CCDC81: variants seen among roughly 807,000 people sequenced by gnomAD.
The protein encoded by CCDC81 is coiled-coil domain containing 81.
A neutral mutation model predicts 83.7 loss-of-function variants in CCDC81; 79 were observed. That is an observed-to-expected ratio of 0.94 (90% CI 0.79 to 1.14). The LOEUF (loss-of-function observed/expected upper bound fraction) is 1.14, where lower values mean the gene tolerates loss of function less well. Ranked by LOEUF, CCDC81 falls within the 50% of genes most tolerant of loss-of-function variation. The pLI is 0.00. For synonymous variants in CCDC81, 252 were observed against 278.1 expected (o/e 0.91, Z 0.93); for missense variants, 791 against 778.1 (o/e 1.02, Z -0.20).
intron 14 of CCDC81, among the ~76,000 whole-genome samples, chr11:86,421,826 G>C (rs905328080): frequency 1.3e-5 from 2 of 151,950 alleles, no homozygotes; most frequent in Non-Finnish European, 2.9e-5. Context: ...GCTGAGGTGG[G>C]AGGATCGCTG....
chr11:86,411,784 G>GT (rs1006378221), intron 10 of CCDC81, among the ~76,000 whole-genome samples: 1 of 152,050 alleles, frequency 6.6e-6, no homozygotes, highest in Non-Finnish European at 1.5e-5. Flanking sequence ...TTTTGTTTTT[G>GT]TTTTAAATAA....
intron 3 of CCDC81, among the ~76,000 whole-genome samples, chr11:86,392,268 A>T (rs1013701750): frequency 6.6e-6 from 1 of 152,232 alleles, no homozygotes; most frequent in South Asian, 2.1e-4. Flanking sequence ...AGAGAAAATC[A>T]AAAGCTTGTC....
intron 1 of CCDC81, among the ~76,000 whole-genome samples, chr11:86,379,720 T>C (rs760105263): frequency 1.3e-5 from 2 of 152,218 alleles, no homozygotes; most frequent in Non-Finnish European, 2.9e-5. Context: ...CTCATGCTTG[T>C]AATCCCAGCA....
At chr11:86,397,975 G>A (rs1221305402) in intron 6 of CCDC81, among the ~76,000 whole-genome samples, 4 of 151,658 alleles carry the variant, frequency 2.6e-5, no homozygotes, top group East Asian at 1.9e-4. Flanking sequence ...TCAGCCTCCC[G>A]AGCAGCTGAG....
At position 86,419,989 on chromosome 11, in the gene CCDC81, G is replaced by A; in HGVS notation, c.1753G>A (p.Glu585Lys). 6.2e-7 allele frequency: 1 copy of A among 1,614,000 alleles called. No homozygotes were observed. The highest frequency in any genetic ancestry group is 8.5e-7 in the Non-Finnish European group (1 of 1,179,966). The part of the protein sequence containing the change: ...RVNRVNQCLQ[E>K]DWERSAAMKK... ...AAATAGAGTCAACCAATGCTTACAG[G>A]AGGACTGGGAAAGGAGTGCTGCGAT... is the stretch of plus-strand genomic sequence containing the variant. Residue 585 changes from glutamate (E) to lysine (K), a missense_variant, in exon 14 of 15, where the codon GAG becomes AAG. Coordinates refer to ENST00000445632, the MANE Select transcript of CCDC81 (RefSeq NM_001156474.2).
rs145739398 is a variant in CCDC81 at position 86,415,120 on chromosome 11, C to G, written c.1498C>G (p.Pro500Ala). ...AAAGAACAAACCCTCTCGGCTGCCC[C>G]CCTTTGAGCCAGACTCCTCTGAGCC... ...QIKNKPSRLP[P>A]FEPDSSEPIF... Residue 500 changes from proline (P) to alanine (A), a missense_variant, in exon 13 of 15, where the codon CCC becomes GCC. Pro to Ala is a conservative substitution (Grantham distance 27). Coordinates refer to ENST00000445632, the MANE Select transcript of CCDC81 (RefSeq NM_001156474.2). The G allele has an allele frequency of 3.2e-4, 510 of 1,614,172 alleles. 7 individuals carry two copies. The South Asian group carries it at 3.8e-3, about 12-fold the overall frequency.
In CCDC81 at chr11:86,379,584, T is replaced by C. The variant is rs772861762; in HGVS notation, c.79+4342T>C. Among the ~76,000 whole-genome samples the C allele has an allele frequency of 9.8e-5, 15 of 152,346 alleles. 1 individual carries two copies. In the East Asian group the frequency reaches 1.2e-3, roughly 12 times the overall value. Reference sequence around the variant, plus strand: ...GCTGTCATTCATTTCATTTCACTTATATATAAATGTAAATATATATGATAT... The same window carrying C: ...GCTGTCATTCATTTCATTTCACTTACATATAAATGTAAATATATATGATAT... On this transcript the variant is annotated intron_variant, in intron 1 of 14. Coordinates refer to ENST00000445632, the MANE Select transcript of CCDC81 (RefSeq NM_001156474.2).
intron 3 of CCDC81, among the ~76,000 whole-genome samples, chr11:86,391,083 T>C (rs1460732296): frequency 6.6e-6 from 1 of 152,184 alleles, no homozygotes; most frequent in Admixed American, 6.5e-5. Flanking sequence ...TCCATTGACT[T>C]GACAATCTAT....
intron 1 of CCDC81, among the ~76,000 whole-genome samples, chr11:86,385,728 G>T (rs558590359): frequency 6.6e-6 from 1 of 152,180 alleles, no homozygotes; most frequent in Non-Finnish European, 1.5e-5. Flanking sequence ...TTAAGAAAAG[G>T]TTGGGTTATA....
At position 86,414,831 on chromosome 11, in the gene CCDC81, A is replaced by G; in HGVS notation, c.1434A>G (p.Glu478=). 1 of 1,612,200 alleles carries G rather than the reference A, an allele frequency of 6.2e-7. No homozygotes were observed. Among genetic ancestry groups the G allele is most frequent in the Non-Finnish European group, 8.5e-7 (1 of 1,179,658 alleles). The change falls in exon 12 of 15, where the codon GAA becomes GAG. Residue 478 remains glutamate (E), a synonymous_variant. Transcript: ENST00000445632. Reference sequence around the variant, plus strand: ...CGAAATTTTTAAAAGATAAGATGGAAGAAACACAGTGTTACAAGAGAGCTT... The same window carrying G: ...CGAAATTTTTAAAAGATAAGATGGAGGAAACACAGTGTTACAAGAGAGCTT... ...QRAKFLKDKM[E]ETQCYKRALD...
chr11:86,407,582 A>T, intron 7 of CCDC81, 32 bp from the exon 8 acceptor site: 1 of 1,393,954 alleles, frequency 7.2e-7, no homozygotes, highest in Non-Finnish European at 1.0e-6. Context: ...AGATTGTATT[A>T]AACATTAATT....
chr11:86,414,070 G>A (rs1948683123), intron 11 of CCDC81, among the ~76,000 whole-genome samples: 1 of 152,128 alleles, frequency 6.6e-6, no homozygotes, highest in East Asian at 1.9e-4. Flanking sequence ...ACATATAATA[G>A]AACCATAATT....
chr11:86,379,467 C>T (rs950179381), intron 1 of CCDC81, among the ~76,000 whole-genome samples: 2 of 152,100 alleles, frequency 1.3e-5, no homozygotes, highest in African/African-American at 4.8e-5. Context: ...AATTCAAGTC[C>T]ACTTCCAAAT....
intron 11 of CCDC81, among the ~76,000 whole-genome samples, chr11:86,412,940 G>A (rs994268016): frequency 3.9e-5 from 6 of 152,064 alleles, no homozygotes; most frequent in African/African-American, 1.2e-4. Context: ...GTTAGTCAGC[G>A]CAATAGACCC....
At chr11:86,414,921 C>A (rs1948695360) in intron 12 of CCDC81, 54 bp downstream of exon 12, 2 of 1,464,980 alleles carry the variant, frequency 1.4e-6, no homozygotes, top group Admixed American at 2.0e-5. Flanking sequence ...TCAATAACAT[C>A]CTAAAATATG....
chr11:86,397,581 A>C (rs541357890), intron 5 of CCDC81, 40 bp from the exon 6 acceptor site: 1 of 1,582,540 alleles, frequency 6.3e-7, no homozygotes, highest in Non-Finnish European at 8.6e-7. Context: ...TTACCTGTTC[A>C]GGTTCAGTGC....
At chr11:86,402,368 A>C (rs535275258) in intron 7 of CCDC81, among the ~76,000 whole-genome samples, 11 of 152,144 alleles carry the variant, frequency 7.2e-5, no homozygotes, top group Non-Finnish European at 1.5e-4. Context: ...CACAGTTTTT[A>C]AATAAAATTG....
In CCDC81 at chr11:86,408,122, T is replaced by G. The variant is rs1257128878; in HGVS notation, c.970-5T>G. 1 of 1,602,348 alleles carries G rather than the reference T, an allele frequency of 6.2e-7. No homozygotes were observed. The highest frequency in any genetic ancestry group is 8.5e-7 in the Non-Finnish European group (1 of 1,176,880). On this transcript the variant is annotated splice_polypyrimidine_tract_variant and splice_region_variant and intron_variant, in intron 8 of 14. Coordinates refer to ENST00000445632, the MANE Select transcript of CCDC81 (RefSeq NM_001156474.2). ...ATTTATTTGTCCTGAAATTTGGGAT[T>G]GTAGGAAATGTGCTATGTATGTTTG... is the stretch of plus-strand genomic sequence containing the variant.
At position 86,415,188 on chromosome 11, in the gene CCDC81, A is replaced by C; in HGVS notation, c.1566A>C (p.Gln522His). 1.9e-6 allele frequency: 3 copies of C among 1,614,244 alleles called. No individual in the cohort carries two copies. Among genetic ancestry groups the C allele is most frequent in the Non-Finnish European group, 2.5e-6 (3 of 1,180,048 alleles). The change falls in exon 13 of 15, where the codon CAA (glutamine) becomes CAC (histidine). Residue 522 changes from glutamine (Q) to histidine (H), a missense_variant. By Grantham distance (24) the Gln-to-His change is conservative (BLOSUM62 0). Transcript: ENST00000445632. Reference sequence around the variant, plus strand: ...AGGGTGAACTGATGGTGGAAAAGCAAAAGCGAGAACAAAATTACATGAAAC... The same window carrying C: ...AGGGTGAACTGATGGTGGAAAAGCACAAGCGAGAACAAAATTACATGAAAC... ...KNEGELMVEK[Q>H]KREQNYMKHQ...
Sources: gnomAD v4.1 joint callset for allele counts (sites outside exome capture counted in the v4.1 genomes callset) on GRCh38, gnomAD v4.1.1 for gene constraint, MANE v1.5 for transcripts, NCBI Gene and HGNC (gene_info 2026-07-23, HGNC 2026-07-21) for gene names.